The following DICER1 variants were observed in gnomAD, a reference collection of about 807,000 sequenced individuals.
The protein encoded by DICER1 is endoribonuclease Dicer.
A neutral mutation model predicts 194.1 loss-of-function variants in DICER1; 43 were observed. The ratio of observed to expected loss-of-function variants is 0.22; its 90% CI spans 0.17 to 0.29. The LOEUF (loss-of-function observed/expected upper bound fraction) is 0.29, where lower values mean the gene tolerates loss of function less well. Among genes scored for constraint, DICER1 ranks in the 10% least tolerant of loss-of-function variants. DICER1 has a pLI of 1.00. For synonymous variants in DICER1, 832 were observed against 820.5 expected, an observed-to-expected ratio of 1.01 and a Z score of -0.24; for missense variants, 1,608 against 2,317.0, an observed-to-expected ratio of 0.69 and a Z score of 6.28.
chr14:95,111,473 G>C lies in DICER1; in HGVS notation c.2117-17C>G, dbSNP rs776194635. ...CCAGTTCGCCTAACAAATTTAAAGA[G>C]AGAATTAACACAATCCAGATTTTGC... On this transcript the variant is annotated splice_polypyrimidine_tract_variant and intron_variant, in intron 13 of 26. Coordinates refer to ENST00000343455, the MANE Select transcript of DICER1 (RefSeq NM_177438.3). 7 of 1,613,482 alleles carry C rather than the reference G, an allele frequency of 4.3e-6. No homozygotes were observed. The Admixed American group carries it at 5.0e-5, about 12-fold the overall frequency.
At position 95,089,566 on chromosome 14, in the gene DICER1, G is replaced by A. The variant is rs1889609853; in HGVS notation, c.*932C>T. ...TTCCATCAGTGGGAACTACCTGGCA[G>A]GAGGACTTTAGTAAAATGGGGTGTT... On this transcript the variant is annotated 3_prime_UTR_variant, in exon 27 of 27. Transcript: ENST00000343455. 1 of 231,972 alleles carries A rather than the reference G, an allele frequency of 4.3e-6. No homozygotes were observed. The highest frequency in any genetic ancestry group is 8.5e-6 in the Non-Finnish European group (1 of 117,332). The allele number at this position is 231,972 out of a possible 1,614,324, so 14.4% of individuals were successfully genotyped here.
intron 1 of DICER1, among the ~76,000 whole-genome samples, chr14:95,138,687 C>A (rs940776484): frequency 6.6e-6 from 1 of 151,896 alleles, no homozygotes; most frequent in African/African-American, 2.4e-5. Flanking sequence ...TCAGATTATT[C>A]ACCCAGCTTC....
At position 95,111,308 on chromosome 14, in the gene DICER1, A is replaced by C. The variant is rs759007343; in HGVS notation, c.2256+9T>G. The stretch of plus-strand genomic sequence containing the variant: ...GCTAGGTTTTTACTCTGTTCTAACC[A>C]ATACTAACTGCTTTTGGGTAGCACT... On this transcript the variant is annotated intron_variant, in intron 14 of 26. Transcript: ENST00000343455. 6.2e-7 allele frequency: 1 copy of C among 1,614,164 alleles called. No homozygotes were observed. Among genetic ancestry groups the C allele is most frequent in the Admixed American group, 1.7e-5 (1 of 60,030 alleles).
intron 1 of DICER1, among the ~76,000 whole-genome samples, chr14:95,135,099 G>C (rs1170553467): frequency 6.6e-6 from 1 of 152,132 alleles, no homozygotes; most frequent in Non-Finnish European, 1.5e-5. Context: ...TCTGAGATCA[G>C]GAGGCCACTC....
intron 8 of DICER1, among the ~76,000 whole-genome samples, chr14:95,122,924 G>A (rs34487929): frequency 0.22 from 33,216 of 151,280 alleles, 4,024 homozygotes; most frequent in African/African-American, 0.31. Flanking sequence ...GCGCGTGTGC[G>A]CGTGCGTGTA....
At chr14:95,148,510 A>C (rs1333604517) in intron 1 of DICER1, among the ~76,000 whole-genome samples, 1 of 152,242 alleles carries the variant, frequency 6.6e-6, no homozygotes, top group African/African-American at 2.4e-5. Context: ...CAAATTCATT[A>C]GCCTTCTTTT....
rs1892378136 is a variant in DICER1, at chr14:95,115,700, A to G, written c.1874T>C (p.Val625Ala). 6.2e-7 allele frequency: 1 copy of G among 1,614,080 alleles called. No individual in the cohort carries two copies. Among genetic ancestry groups the G allele is most frequent in the Non-Finnish European group, 8.5e-7 (1 of 1,179,996 alleles). ...VLRPDDGGPR[V>A]TINTAIGHIN... ...GTGTCCAATGGCCGTGTTGATTGTG[A>G]CTCGTGGACCACCATCGTCAGGCCT... The change falls in exon 11 of 27, where the codon GTC (valine) becomes GCC (alanine). Residue 625 changes from valine to alanine, a missense_variant. Transcript: ENST00000343455.
chr14:95,154,604 A>G (rs1046605399), intron 1 of DICER1, among the ~76,000 whole-genome samples: 1 of 152,236 alleles, frequency 6.6e-6, no homozygotes, highest in Non-Finnish European at 1.5e-5. Flanking sequence ...TAAGCCAGAC[A>G]CAAAAGAACA....
chr14:95,098,229 T>C (rs1189177663), intron 22 of DICER1, among the ~76,000 whole-genome samples: 1 of 152,178 alleles, frequency 6.6e-6, no homozygotes, highest in Non-Finnish European at 1.5e-5. Flanking sequence ...CAAGAGCACT[T>C]CAAGCCTTTT....
Position 95,133,397 on chromosome 14 carries a change from G to A in DICER1, c.62C>T (p.Ser21Phe), listed in dbSNP as rs1289924579. 6.2e-7 allele frequency: 1 copy of A among 1,614,080 alleles called. No individual in the cohort carries two copies. The highest frequency in any genetic ancestry group is 8.5e-7 in the Non-Finnish European group (1 of 1,179,970). ...MAGLQLMTPA[S>F]SPMGPFFGLP... Reference sequence around the variant, plus strand: ...TCCAAAGAAAGGACCCATTGGTGAGGAAGCAGGGGTCATGAGCTGCAGGCC... The same window carrying A: ...TCCAAAGAAAGGACCCATTGGTGAGAAAGCAGGGGTCATGAGCTGCAGGCC... The change falls in exon 2 of 27, where the codon TCC (serine) becomes TTC (phenylalanine). Residue 21 changes from serine to phenylalanine, a missense_variant. Ser to Phe is a radical substitution (Grantham distance 155). Around this residue, in one of 10 missense-constraint regions of DICER1, gnomAD observed 657 missense variants for 910.1 expected, o/e 0.72. Transcript: ENST00000343455.
intron 17 of DICER1, among the ~76,000 whole-genome samples, chr14:95,106,825 T>C (rs1891469022): frequency 2.0e-5 from 3 of 152,282 alleles, no homozygotes; most frequent in Middle Eastern, 3.4e-3. Flanking sequence ...GAGCTTAATA[T>C]TCCTTATAAA....
At position 95,105,234 on chromosome 14, in the gene DICER1, C is replaced by T. The variant is rs749392411; in HGVS notation, c.3106G>A (p.Glu1036Lys). The change falls in exon 20 of 27, where the codon GAA (glutamate) becomes AAA (lysine). Residue 1036 changes from glutamate (E) to lysine (K), a missense_variant. Glu to Lys is a moderately conservative substitution (Grantham distance 56). Coordinates refer to ENST00000343455, the MANE Select transcript of DICER1 (RefSeq NM_177438.3). This position sits in a 1 kb window ranked among gnomAD's most constrained non-coding sequence, Gnocchi z 4.9. ...SLQNKQILVPELCAIHPIPAS... is the reference protein window; with the variant it reads ...SLQNKQILVPKLCAIHPIPAS... The stretch of plus-strand genomic sequence containing the variant: ...GGAATTGGATGTATAGCACAGAGTT[C>T]TGGAACCAGTATCTTCAAGTAAGGG... 6.2e-7 allele frequency: 1 copy of T among 1,613,400 alleles called. No individual in the cohort carries two copies.
rs1173041690 is a variant in DICER1, at chr14:95,132,519, G to A, written c.303C>T (p.Asn101=). The A allele has an allele frequency of 6.2e-7, 1 of 1,613,752 alleles. No individual in the cohort carries two copies. The highest frequency in any genetic ancestry group is 8.5e-7 in the Non-Finnish European group (1 of 1,179,892). ...GATAAAATAATTTTTTATTACCAGA[G>A]TTGACCAAGAACACCGTCCTTTTTC... The part of the protein sequence containing the change: ...RNGKRTVFLV[N]SANQVAQQVS... The change falls in exon 3 of 27, where the codon AAC becomes AAT. Residue 101 remains asparagine, a synonymous_variant. Coordinates refer to ENST00000343455, the MANE Select transcript of DICER1 (RefSeq NM_177438.3).
At chr14:95,110,070 A>C (rs903634106) in intron 14 of DICER1, among the ~76,000 whole-genome samples, 1 of 152,236 alleles carries the variant, frequency 6.6e-6, no homozygotes, top group African/African-American at 2.4e-5. Context: ...AATTGGTAGA[A>C]AGAAACCAAT....
chr14:95,107,707 T>C lies in DICER1; in HGVS notation c.2705A>G (p.Lys902Arg), dbSNP rs1377401799. 1 of 1,613,956 alleles carries C rather than the reference T, an allele frequency of 6.2e-7. No individual in the cohort carries two copies. Among genetic ancestry groups the C allele is most frequent in the African/African-American group, 1.3e-5 (1 of 74,928 alleles). The change falls in exon 17 of 27, where the codon AAG (lysine) becomes AGG (arginine). Residue 902 changes from lysine to arginine, a missense_variant. Around this residue, in one of 10 missense-constraint regions of DICER1, gnomAD observed 150 missense variants for 216.0 expected, o/e 0.69. Coordinates refer to ENST00000343455, the MANE Select transcript of DICER1 (RefSeq NM_177438.3). ...IDFKFMEDIE[K>R]SEARIGIPST... ...GGGAATGCCTATGCGAGCTTCAGACTTCTCAATATCTTCCATGAATTTAAA... is the reference window on the plus strand; with the variant it reads ...GGGAATGCCTATGCGAGCTTCAGACCTCTCAATATCTTCCATGAATTTAAA...
chr14:95,104,436 C>G (rs936683924), intron 20 of DICER1, among the ~76,000 whole-genome samples: 1 of 152,170 alleles, frequency 6.6e-6, no homozygotes, highest in Non-Finnish European at 1.5e-5. Context: ...CTGGTTAACC[C>G]GCTGAGTAAC....
rs777174247 is a variant in DICER1 at position 95,107,713 on chromosome 14, A to G, written c.2699T>C (p.Ile900Thr). The G allele has an allele frequency of 9.3e-6, 15 of 1,613,744 alleles. No individual in the cohort carries two copies. The highest frequency in any genetic ancestry group is 2.5e-6 in the Non-Finnish European group (3 of 1,179,808). The stretch of plus-strand genomic sequence containing the variant: ...GCCTATGCGAGCTTCAGACTTCTCA[A>G]TATCTTCCATGAATTTAAAGTCAAT... ...LDIDFKFMED[I>T]EKSEARIGIP... The change falls in exon 17 of 27, where the codon ATT (isoleucine) becomes ACT (threonine). Residue 900 changes from isoleucine (I) to threonine (T), a missense_variant. Ile to Thr is a moderately conservative substitution (Grantham distance 89). Transcript: ENST00000343455.
At chr14:95,107,336 C>T (rs756815765) in intron 17 of DICER1, among the ~76,000 whole-genome samples, 27 of 151,862 alleles carry the variant, frequency 1.8e-4, no homozygotes, top group Non-Finnish European at 2.1e-4. Context: ...CTGCAATCTC[C>T]GCCTCCTAGC....
chr14:95,107,565 A>C (rs1216281795), intron 17 of DICER1, 43 bp downstream of exon 17: 2 of 1,609,408 alleles, frequency 1.2e-6, no homozygotes, highest in East Asian at 4.5e-5. Flanking sequence ...CATCTTTTAA[A>C]ACAAAGTATC....
Sources: gnomAD v4.1 joint callset for allele counts (sites outside exome capture counted in the v4.1 genomes callset) on GRCh38, gnomAD v4.1.1 for gene constraint, gnomAD v4.1.1 regional missense constraint, Gnocchi (gnomAD v3.1) non-coding constraint, MANE v1.5 for transcripts, NCBI Gene and HGNC (gene_info 2026-07-23, HGNC 2026-07-21) for gene names.